The following PVT1 variants were observed in gnomAD, a reference collection of about 807,000 sequenced individuals.
The protein encoded by PVT1 is CXCR4/PVT1 fusion.
chr8:127,899,332 G>T (rs1235456458), intron 3 of PVT1, among the ~76,000 whole-genome samples: 1 of 152,200 alleles, frequency 6.6e-6, no homozygotes, highest in African/African-American at 2.4e-5. Flanking sequence ...CTGGCCAGTT[G>T]TCCATCTCCC....
chr8:127,947,471 C>T (rs1816435860), intron 3 of PVT1: 1 of 320,026 alleles, frequency 3.1e-6, no homozygotes, highest in East Asian at 7.6e-5. Context: ...TTTTGGCATT[C>T]CCTCTGTCTC....
At chr8:127,832,688 C>A (rs951477891) in intron 2 of PVT1, among the ~76,000 whole-genome samples, 26 of 152,214 alleles carry the variant, frequency 1.7e-4, no homozygotes, top group African/African-American at 6.0e-4. Flanking sequence ...GAAACCCCAT[C>A]TCTACTAAAA....
chr8:127,915,663 C>T, intron 3 of PVT1, among the ~76,000 whole-genome samples: 1 of 148,382 alleles, frequency 6.7e-6, no homozygotes, highest in East Asian at 2.0e-4. Context: ...ATGTCTGGCA[C>T]TTAAACTGGT....
intron 4 of PVT1, among the ~76,000 whole-genome samples, chr8:128,021,361 T>C (rs1817433564): frequency 7.1e-6 from 1 of 140,730 alleles, no homozygotes; most frequent in South Asian, 2.4e-4. Flanking sequence ...TGGCGCAATC[T>C]TGGCTCACTG....
intron 2 of PVT1, among the ~76,000 whole-genome samples, chr8:127,883,686 G>GA (rs1394290957): frequency 6.6e-6 from 1 of 151,432 alleles, no homozygotes; most frequent in Non-Finnish European, 1.5e-5. Context: ...TGGAAAAAAA[G>GA]AAAAAAAGAA....
chr8:127,894,260 G>C (rs1024977140), intron 3 of PVT1, among the ~76,000 whole-genome samples: 9 of 152,322 alleles, frequency 5.9e-5, no homozygotes, highest in African/African-American at 1.9e-4. Flanking sequence ...GGTCTACCCA[G>C]GGTGGCAATG....
chr8:128,077,307 G>A (rs1374186669), intron 5 of PVT1, among the ~76,000 whole-genome samples: 2 of 152,140 alleles, frequency 1.3e-5, no homozygotes, highest in Non-Finnish European at 2.9e-5. Flanking sequence ...CCCTGGTTGA[G>A]CAGGTTTCTA....
intron 4 of PVT1, among the ~76,000 whole-genome samples, chr8:128,051,021 C>T (rs1813687692): frequency 6.6e-6 from 1 of 152,192 alleles, no homozygotes; most frequent in Admixed American, 6.5e-5. Flanking sequence ...AGGGCATTGA[C>T]TGTGGTGTAA....
At chr8:127,983,563 A>T (rs1167418671) in intron 3 of PVT1, among the ~76,000 whole-genome samples, 2 of 152,146 alleles carry the variant, frequency 1.3e-5, no homozygotes, top group Non-Finnish European at 1.5e-5. Flanking sequence ...ATCAGTTGTT[A>T]ACTCACACTC....
At chr8:128,045,285 A>G (rs1002130886) in intron 4 of PVT1, among the ~76,000 whole-genome samples, 1 of 151,952 alleles carries the variant, frequency 6.6e-6, no homozygotes, top group Non-Finnish European at 1.5e-5. Flanking sequence ...CCCTTCTCTC[A>G]TTGAAAAAAA....
At chr8:127,893,376 A>C (rs948448946) in intron 3 of PVT1, among the ~76,000 whole-genome samples, 1 of 152,080 alleles carries the variant, frequency 6.6e-6, no homozygotes, top group Non-Finnish European at 1.5e-5. Flanking sequence ...TCCTTGGTTC[A>C]AGTGATTCTT....
chr8:127,972,242 A>C (rs1054251240), intron 3 of PVT1, among the ~76,000 whole-genome samples: 1 of 152,232 alleles, frequency 6.6e-6, no homozygotes, highest in Admixed American at 6.5e-5. Flanking sequence ...GGTGCTTCCC[A>C]GTGGCCTCCG....
At chr8:127,852,216 G>A (rs1371550599) in intron 2 of PVT1, 2 of 152,280 alleles carry the variant, frequency 1.3e-5, no homozygotes, top group Non-Finnish European at 1.5e-5. Context: ...ACAGCTGGAA[G>A]ACAGCATGAT....
chr8:127,806,467 A>T (rs80289709), intron 2 of PVT1, among the ~76,000 whole-genome samples: 15,705 of 149,190 alleles, frequency 0.11, 1,678 homozygotes, highest in African/African-American at 0.28. Context: ...CTAAAAAATT[A>T]AAAAAAAAAG....
intron 3 of PVT1, among the ~76,000 whole-genome samples, chr8:127,894,427 G>A (rs1273574458): frequency 6.6e-6 from 1 of 152,146 alleles, no homozygotes; most frequent in African/African-American, 2.4e-5. Flanking sequence ...AACAAACTGA[G>A]GTTCAGTGAG....
At chr8:128,047,859 A>T (rs1813638933) in intron 4 of PVT1, among the ~76,000 whole-genome samples, 1 of 152,236 alleles carries the variant, frequency 6.6e-6, no homozygotes, top group Admixed American at 6.5e-5. Flanking sequence ...CACATCATAT[A>T]TTATAAATAT....
intron 5 of PVT1, among the ~76,000 whole-genome samples, chr8:128,090,188 A>G (rs924230339): frequency 6.6e-6 from 1 of 152,192 alleles, no homozygotes; most frequent in Admixed American, 6.5e-5. Context: ...GCAGTTTTCT[A>G]TATTTATGGA....
intron 3 of PVT1, among the ~76,000 whole-genome samples, chr8:127,953,824 CTTTT>C (rs749232847): frequency 2.9e-4 from 44 of 151,834 alleles, no homozygotes; most frequent in African/African-American, 9.2e-4. Context: ...CTCTTCTTTT[CTTTT>C]GTTTCCTTTT....
At chr8:127,863,339 T>C (rs569996037) in intron 2 of PVT1, among the ~76,000 whole-genome samples, 84 of 152,298 alleles carry the variant, frequency 5.5e-4, no homozygotes, top group African/African-American at 1.9e-3. Context: ...CTCGAACTCC[T>C]GATCTCATGA....
Sources: gnomAD v4.1 joint callset for allele counts (sites outside exome capture counted in the v4.1 genomes callset) on GRCh38, gnomAD v4.1.1 for gene constraint, MANE v1.5 for transcripts, NCBI Gene and HGNC (gene_info 2026-07-23, HGNC 2026-07-21) for gene names.